LRRC1: variants seen among roughly 807,000 people sequenced by gnomAD.
LRRC1 encodes leucine rich repeat containing 1.
Under a neutral mutation model 69.9 loss-of-function variants are expected in LRRC1, and 28 were observed. That is an observed-to-expected ratio of 0.40 (90% CI 0.30 to 0.55). LRRC1 has a LOEUF of 0.55. Ranked by LOEUF, LRRC1 falls within the 20% of genes least tolerant of loss-of-function variation. The probability of loss-of-function intolerance (pLI) is 0.47; values close to 1 mark genes in which losing one functional copy is unlikely to be tolerated. For missense variants in LRRC1, 498 were observed against 609.0 expected (o/e 0.82, Z 1.92); for synonymous variants, 236 against 240.2 (o/e 0.98, Z 0.16).
chr6:53,827,465 A>G lies in LRRC1; in HGVS notation c.160-14645A>G, dbSNP rs143963488. Among the ~76,000 whole-genome samples the G allele has an allele frequency of 2.1e-3, 326 of 152,270 alleles. 2 individuals are homozygous for G. The highest frequency in any genetic ancestry group is 7.5e-3 in the African/African-American group (311 of 41,536). ...CTACAGGGGGCTCATTAATCTCTTG[A>G]AGGAGCAGAGGCAAAATGCGTTGGA... On this transcript the variant is annotated intron_variant, in intron 1 of 13. Coordinates refer to ENST00000370888, the MANE Select transcript of LRRC1 (RefSeq NM_018214.5).
rs772040471 is a variant in LRRC1, at chr6:53,904,469, G to A, written c.990+7G>A. Reference sequence around the variant, plus strand: ...AGTGTCCTTACCAAAAGAGGTATGTGCTTTTAGAGAAATCACATGATAATA... The same window carrying A: ...AGTGTCCTTACCAAAAGAGGTATGTACTTTTAGAGAAATCACATGATAATA... On this transcript the variant is annotated splice_region_variant and intron_variant, in intron 10 of 13. Coordinates refer to ENST00000370888, the MANE Select transcript of LRRC1 (RefSeq NM_018214.5). 4 of 1,550,424 alleles carry A rather than the reference G, an allele frequency of 2.6e-6. No homozygotes were observed. Among genetic ancestry groups the A allele is most frequent in the Non-Finnish European group, 8.8e-7 (1 of 1,131,646 alleles).
chr6:53,863,771 A>G (rs1766607569), intron 2 of LRRC1, among the ~76,000 whole-genome samples: 1 of 152,168 alleles, frequency 6.6e-6, no homozygotes. Flanking sequence ...ATGGGATCTG[A>G]CACAGGATTG....
At chr6:53,828,880 C>T (rs1303932135) in intron 1 of LRRC1, among the ~76,000 whole-genome samples, 1 of 152,174 alleles carries the variant, frequency 6.6e-6, no homozygotes, top group Admixed American at 6.5e-5. Flanking sequence ...ACTCCAAGGG[C>T]AACAAGGTGT....
At chr6:53,900,284 G>T (rs868122426) in intron 8 of LRRC1, among the ~76,000 whole-genome samples, 1 of 152,032 alleles carries the variant, frequency 6.6e-6, no homozygotes, top group Non-Finnish European at 1.5e-5. Context: ...TGATCCGCCC[G>T]CCTCCGCCTC....
chr6:53,836,336 A>G (rs1247638122), intron 1 of LRRC1, among the ~76,000 whole-genome samples: 1 of 152,262 alleles, frequency 6.6e-6, no homozygotes, highest in African/African-American at 2.4e-5. Flanking sequence ...TTTGTTATTC[A>G]GTAAAAGCTA....
At chr6:53,817,787 C>T (rs560541274) in intron 1 of LRRC1, among the ~76,000 whole-genome samples, 2 of 152,196 alleles carry the variant, frequency 1.3e-5, no homozygotes, top group South Asian at 2.1e-4. Flanking sequence ...ATAGTGTTCT[C>T]CTTGCTGCAG....
At chr6:53,809,897 G>A (rs188749963) in intron 1 of LRRC1, among the ~76,000 whole-genome samples, 18 of 152,340 alleles carry the variant, frequency 1.2e-4, no homozygotes, top group Middle Eastern at 3.4e-3. Flanking sequence ...AGTGCTGGGC[G>A]CTTGTATGAC....
chr6:53,795,565 TC>T, intron 1 of LRRC1, 150 bp downstream of exon 1: 1 of 732,756 alleles, frequency 1.4e-6, no homozygotes, highest in Non-Finnish European at 2.2e-6. Context: ...TCCCCCTGTC[TC>T]TTTACTTCCA....
At chr6:53,920,943 G>C (rs2127443513) in intron 13 of LRRC1, among the ~76,000 whole-genome samples, 182 bp downstream of exon 13, 1 of 151,942 alleles carries the variant, frequency 6.6e-6, no homozygotes, top group South Asian at 2.1e-4. Context: ...AGGTAAATGA[G>C]GCAAATGGAA....
intron 10 of LRRC1, among the ~76,000 whole-genome samples, chr6:53,911,075 G>A (rs919474755): frequency 1.3e-5 from 2 of 152,210 alleles, no homozygotes; most frequent in Non-Finnish European, 2.9e-5. Context: ...ATAGAGATCA[G>A]GAGGTCACAC....
intron 6 of LRRC1, 51 bp downstream of exon 6, chr6:53,896,943 C>T: frequency 1.6e-6 from 2 of 1,227,114 alleles, no homozygotes; most frequent in Non-Finnish European, 2.4e-6. Context: ...GTTATGATCA[C>T]ACAGTATTTG....
intron 1 of LRRC1, among the ~76,000 whole-genome samples, chr6:53,802,494 C>T (rs1489800146): frequency 2.0e-5 from 3 of 152,180 alleles, no homozygotes; most frequent in Non-Finnish European, 4.4e-5. Context: ...CTTCTGTGGA[C>T]ATATTTTCCT....
intron 1 of LRRC1, among the ~76,000 whole-genome samples, chr6:53,823,997 TTATA>T (rs1160344637): frequency 6.6e-6 from 1 of 152,236 alleles, no homozygotes; most frequent in African/African-American, 2.4e-5. Flanking sequence ...ATTCTGTTGG[TTATA>T]TACTCAGTAA....
At chr6:53,874,615 T>G (rs899344591) in intron 2 of LRRC1, among the ~76,000 whole-genome samples, 2 of 152,190 alleles carry the variant, frequency 1.3e-5, no homozygotes, top group African/African-American at 4.8e-5. Context: ...ATTGTGAGGT[T>G]GTTGGAGCAA....
rs370690369 is a variant in LRRC1 at position 53,919,648 on chromosome 6, G to C, written c.1257G>C (p.Leu419=). ...KILTCVLLPQ[L]PSEPTCQENL... is the part of the protein sequence containing the mutation. Reference sequence around the variant, plus strand: ...TAACCTGTGTCTTACTTCCTCAGCTGCCTTCTGAACCTACTTGTCAAGGTG... The same window carrying C: ...TAACCTGTGTCTTACTTCCTCAGCTCCCTTCTGAACCTACTTGTCAAGGTG... The change falls in exon 12 of 14, where the codon CTG becomes CTC. Residue 419 remains leucine (L), a synonymous_variant. Transcript: ENST00000370888. The C allele has an allele frequency of 3.7e-6, 6 of 1,612,218 alleles. No individual in the cohort carries two copies. Among genetic ancestry groups the C allele is most frequent in the Non-Finnish European group, 3.4e-6 (4 of 1,179,600 alleles).
intron 1 of LRRC1, among the ~76,000 whole-genome samples, chr6:53,813,481 C>T (rs1476475134): frequency 2.0e-5 from 3 of 151,366 alleles, no homozygotes; most frequent in African/African-American, 7.3e-5. Flanking sequence ...GACAGCTGCC[C>T]CTGCCCAACT....
intron 3 of LRRC1, among the ~76,000 whole-genome samples, chr6:53,880,697 C>T (rs1358523109): frequency 1.3e-5 from 2 of 152,166 alleles, no homozygotes; most frequent in Non-Finnish European, 2.9e-5. Context: ...TCTCTGTGTA[C>T]TTTTTTCATA....
intron 2 of LRRC1, among the ~76,000 whole-genome samples, chr6:53,872,794 T>C (rs1162808703): frequency 2.7e-5 from 4 of 147,408 alleles, no homozygotes; most frequent in Admixed American, 6.8e-5. Context: ...TCTTGCTCTG[T>C]CATTCAAGCC....
intron 10 of LRRC1, among the ~76,000 whole-genome samples, chr6:53,908,125 T>A (rs908740399): frequency 2.6e-5 from 4 of 152,198 alleles, no homozygotes; most frequent in Admixed American, 2.6e-4. Flanking sequence ...GTATGATTGA[T>A]TCATGGATAG....
Sources: allele counts gnomAD v4.1 joint callset (sites outside exome capture counted in the v4.1 genomes callset), GRCh38; gene constraint gnomAD v4.1.1; transcripts MANE v1.5; gene names NCBI Gene and HGNC (gene_info 2026-07-23, HGNC 2026-07-21).